The following CSMD1 variants were observed in gnomAD, a reference collection of about 807,000 sequenced individuals.
The protein encoded by CSMD1 is CUB and Sushi multiple domains 1, also known as CUB and sushi domain-containing protein 1.
Under a neutral mutation model 417.5 loss-of-function variants are expected in CSMD1, and 213 were observed. The ratio of observed to expected loss-of-function variants is 0.51; its 90% CI spans 0.46 to 0.57. The LOEUF (loss-of-function observed/expected upper bound fraction) is 0.57. Ranked by LOEUF, CSMD1 falls within the 20% of genes least tolerant of loss-of-function variation. CSMD1 has a pLI of 0.00. For missense variants in CSMD1, 6,923 were observed against 4,529.7 expected, an observed-to-expected ratio of 1.53 and a Z score of -15.17; for synonymous variants, 2,862 against 1,736.8, an observed-to-expected ratio of 1.65 and a Z score of -16.11.
intron 6 of CSMD1, among the ~76,000 whole-genome samples, chr8:3,733,765 T>A (rs940601202): frequency 6.6e-6 from 1 of 152,176 alleles, no homozygotes; most frequent in African/African-American, 2.4e-5. Flanking sequence ...ATTTTACTTG[T>A]ACTTAATGAT....
At chr8:4,291,490 G>A (rs1458529939) in intron 3 of CSMD1, among the ~76,000 whole-genome samples, 1 of 152,086 alleles carries the variant, frequency 6.6e-6, no homozygotes, top group Non-Finnish European at 1.5e-5. Context: ...CTAATTCCCA[G>A]TGATTCTGAC....
chr8:3,511,810 AAC>A (rs1797083869), intron 10 of CSMD1, among the ~76,000 whole-genome samples: 1 of 145,086 alleles, frequency 6.9e-6, no homozygotes, highest in Admixed American at 6.8e-5. Flanking sequence ...AACATAACAT[AAC>A]ATAACATAAC....
intron 5 of CSMD1, among the ~76,000 whole-genome samples, chr8:3,969,525 G>A (rs918325069): frequency 2.0e-5 from 3 of 152,108 alleles, no homozygotes; most frequent in African/African-American, 7.2e-5. Flanking sequence ...TTAACTTGGT[G>A]AAATCTCTGT....
chr8:2,983,349 G>C (rs1178417807), intron 54 of CSMD1, among the ~76,000 whole-genome samples: 1 of 151,978 alleles, frequency 6.6e-6, no homozygotes, highest in Non-Finnish European at 1.5e-5. Flanking sequence ...ACCATGCCTG[G>C]CTAATTTTTT....
chr8:3,952,719 A>G (rs940865655), intron 5 of CSMD1, among the ~76,000 whole-genome samples: 2 of 152,338 alleles, frequency 1.3e-5, no homozygotes, highest in Admixed American at 1.3e-4. Context: ...ATGTCACTGA[A>G]TTGGACATTT....
At chr8:4,917,538 G>T (rs1395362282) in intron 1 of CSMD1, among the ~76,000 whole-genome samples, 1 of 152,224 alleles carries the variant, frequency 6.6e-6, no homozygotes, top group African/African-American at 2.4e-5. Flanking sequence ...GGAAGCTGAA[G>T]CAGGAGAATC....
chr8:3,612,301 A>G (rs1047926008), intron 8 of CSMD1, among the ~76,000 whole-genome samples: 1 of 152,148 alleles, frequency 6.6e-6, no homozygotes, highest in Non-Finnish European at 1.5e-5. Context: ...TTCAAAATAC[A>G]TGAAGCAAAA....
intron 3 of CSMD1, among the ~76,000 whole-genome samples, chr8:4,249,478 T>A (rs1259751409): frequency 6.6e-6 from 1 of 152,218 alleles, no homozygotes; most frequent in African/African-American, 2.4e-5. Context: ...TAAACAGGGT[T>A]AAACATTTTA....
intron 3 of CSMD1, among the ~76,000 whole-genome samples, chr8:4,143,256 T>A (rs1168454424): frequency 2.6e-5 from 4 of 151,196 alleles, no homozygotes; most frequent in Non-Finnish European, 5.9e-5. Flanking sequence ...ACTATCTTTT[T>A]CCATTTGTCC....
chr8:4,752,982 A>G (rs533551482), intron 1 of CSMD1, among the ~76,000 whole-genome samples: 288 of 152,318 alleles, frequency 1.9e-3, no homozygotes, highest in Non-Finnish European at 2.6e-3. Context: ...TTAAAATACA[A>G]TTATGGATGG....
intron 2 of CSMD1, among the ~76,000 whole-genome samples, chr8:4,422,550 A>G (rs1003995415): frequency 3.9e-5 from 6 of 152,122 alleles, no homozygotes; most frequent in African/African-American, 9.6e-5. Flanking sequence ...GATGCTGTCT[A>G]CAAGTCAGGA....
Position 4,641,457 on chromosome 8 carries a change from A to G in CSMD1, c.86-3899T>C, listed in dbSNP as rs149005316. 2.4e-4 allele frequency among the ~76,000 whole-genome samples: 37 copies of G among 152,264 alleles called. 1 individual carries two copies. The East Asian group carries it at 7.2e-3, about 30-fold the overall frequency. On this transcript the variant is annotated intron_variant, in intron 1 of 69. Transcript: ENST00000635120. ...TTCAGTCATTTTTAAATTCTGTCTTATACTGTTGGACTGAGGTTCTGTTTT... is the reference window on the plus strand; with the variant it reads ...TTCAGTCATTTTTAAATTCTGTCTTGTACTGTTGGACTGAGGTTCTGTTTT...
intron 11 of CSMD1, among the ~76,000 whole-genome samples, chr8:3,473,716 G>A (rs997756569): frequency 9.2e-5 from 14 of 152,194 alleles, no homozygotes; most frequent in Admixed American, 8.5e-4. Context: ...CAATGATGAA[G>A]AAGATAGATT....
chr8:4,703,545 A>G (rs776915920), intron 1 of CSMD1, among the ~76,000 whole-genome samples: 2 of 152,212 alleles, frequency 1.3e-5, no homozygotes, highest in Non-Finnish European at 2.9e-5. Flanking sequence ...CAATTTTGCA[A>G]GGAATTAGAT....
intron 7 of CSMD1, among the ~76,000 whole-genome samples, chr8:3,630,464 A>G (rs1462848878): frequency 6.6e-6 from 1 of 152,246 alleles, no homozygotes; most frequent in Non-Finnish European, 1.5e-5. Flanking sequence ...GAAGAAAAGG[A>G]GAAAGCATGA....
At chr8:4,841,013 C>G (rs751929608) in intron 1 of CSMD1, among the ~76,000 whole-genome samples, 3 of 152,194 alleles carry the variant, frequency 2.0e-5, no homozygotes, top group Admixed American at 2.0e-4. Flanking sequence ...CGTTTGCCGT[C>G]AGCCCCCTGG....
At chr8:3,418,467 T>C (rs193005981) in intron 12 of CSMD1, among the ~76,000 whole-genome samples, 1 of 152,268 alleles carries the variant, frequency 6.6e-6, no homozygotes, top group East Asian at 1.9e-4. Flanking sequence ...ACAATTTTAT[T>C]CAAGATATTG....
intron 1 of CSMD1, among the ~76,000 whole-genome samples, chr8:4,842,055 A>G (rs1800876138): frequency 6.6e-6 from 1 of 152,158 alleles, no homozygotes; most frequent in African/African-American, 2.4e-5. Flanking sequence ...TTTTCAATCA[A>G]CATGTAAATT....
At chr8:3,948,299 G>C (rs1318220529) in intron 5 of CSMD1, among the ~76,000 whole-genome samples, 1 of 152,104 alleles carries the variant, frequency 6.6e-6, no homozygotes, top group Non-Finnish European at 1.5e-5. Context: ...AGTCATGTTA[G>C]TCTGCATTTG....
Sources: gnomAD v4.1 joint callset for allele counts (sites outside exome capture counted in the v4.1 genomes callset) on GRCh38, gnomAD v4.1.1 for gene constraint, MANE v1.5 for transcripts, NCBI Gene and HGNC (gene_info 2026-07-23, HGNC 2026-07-21) for gene names.